The following PALM2AKAP2 variants were observed in gnomAD, a reference collection of about 807,000 sequenced individuals.
PALM2AKAP2 encodes PALM2-AKAP2 fusion protein.
PALM2AKAP2 carries 37 observed loss-of-function variants against 71.5 expected under a neutral mutation model. The ratio of observed to expected loss-of-function variants is 0.52; its 90% CI spans 0.40 to 0.68. The LOEUF (loss-of-function observed/expected upper bound fraction) is 0.68, where lower values mean the gene tolerates loss of function less well. Ranked by LOEUF, PALM2AKAP2 falls within the 30% of genes least tolerant of loss-of-function variation. PALM2AKAP2 has a pLI of 0.00. For missense variants in PALM2AKAP2, 1,224 were observed against 1,191.8 expected (o/e 1.03, Z -0.40); for synonymous variants, 468 against 478.8 (o/e 0.98, Z 0.29).
At chr9:110,098,006 C>A (rs1588107985) in intron 1 of PALM2AKAP2, among the ~76,000 whole-genome samples, 2 of 145,050 alleles carry the variant, frequency 1.4e-5, no homozygotes, top group Admixed American at 1.3e-4. Context: ...CCAAAAAATA[C>A]GAAAACCAGT....
At chr9:109,764,386 C>T (rs1488447377) in intron 1 of PALM2AKAP2, among the ~76,000 whole-genome samples, 6 of 152,136 alleles carry the variant, frequency 3.9e-5, no homozygotes, top group African/African-American at 1.4e-4. Flanking sequence ...TTTACACCTC[C>T]TGGCCTTTGC....
chr9:109,668,263 C>T (rs1232939104), intron 1 of PALM2AKAP2, among the ~76,000 whole-genome samples: 2 of 152,192 alleles, frequency 1.3e-5, no homozygotes, highest in African/African-American at 4.8e-5. Context: ...AATTGAGCTA[C>T]ATATCCCTCT....
chr9:109,943,937 T>C (rs1831441378), intron 6 of PALM2AKAP2: 1 of 157,222 alleles, frequency 6.4e-6, no homozygotes, highest in Non-Finnish European at 1.4e-5. Flanking sequence ...TTACTTAGTC[T>C]GTCCGATCTA....
chr9:109,752,443 TG>T (rs1828899494), intron 1 of PALM2AKAP2, among the ~76,000 whole-genome samples: 1 of 152,116 alleles, frequency 6.6e-6, no homozygotes, highest in African/African-American at 2.4e-5. Context: ...AATGCTACTT[TG>T]GGTAGGAAGG....
At chr9:109,887,476 G>A (rs1387628377) in intron 3 of PALM2AKAP2, among the ~76,000 whole-genome samples, 1 of 152,106 alleles carries the variant, frequency 6.6e-6, no homozygotes, top group Non-Finnish European at 1.5e-5. Flanking sequence ...AACTATATAT[G>A]CTATGTATAC....
intron 6 of PALM2AKAP2, among the ~76,000 whole-genome samples, chr9:109,976,123 C>T (rs1564241986): frequency 6.6e-6 from 1 of 152,184 alleles, no homozygotes; most frequent in South Asian, 2.1e-4. Flanking sequence ...GTCCTTACCA[C>T]CTCATCTTAG....
chr9:110,067,197 A>C (rs973468939), intron 1 of PALM2AKAP2, among the ~76,000 whole-genome samples: 2 of 152,172 alleles, frequency 1.3e-5, no homozygotes, highest in Admixed American at 1.3e-4. Context: ...TTGGGAGAAC[A>C]GTGCTATCAT....
At chr9:109,971,282 CCTTT>C (rs1832061478) in intron 6 of PALM2AKAP2, among the ~76,000 whole-genome samples, 1 of 100,746 alleles carries the variant, frequency 9.9e-6, no homozygotes, top group African/African-American at 3.7e-5. Context: ...ACTCTTAGTC[CCTTT>C]TTTTTTTTTT....
intron 6 of PALM2AKAP2, among the ~76,000 whole-genome samples, chr9:109,956,710 C>T (rs1436122182): frequency 6.6e-6 from 1 of 152,132 alleles, no homozygotes; most frequent in African/African-American, 2.4e-5. Flanking sequence ...CCAGCTCGCT[C>T]CTGTTAAAAG....
intron 1 of PALM2AKAP2, among the ~76,000 whole-genome samples, chr9:109,691,023 AG>A (rs1480210307): frequency 3.3e-5 from 5 of 152,168 alleles, no homozygotes; most frequent in East Asian, 1.9e-4. Context: ...AAGAAACAGA[AG>A]GGGGGAAGTT....
rs747758887 is a variant in PALM2AKAP2 at position 110,137,571 on chromosome 9, C to G, written c.1601C>G (p.Thr534Ser). The G allele has an allele frequency of 3.7e-6, 6 of 1,614,102 alleles. No individual in the cohort carries two copies. The East Asian group carries it at 1.1e-4, about 30-fold the overall frequency. Residue 534 changes from threonine to serine, a missense_variant, in exon 2 of 4, where the codon ACT becomes AGT. Coordinates refer to ENST00000374525, the Ensembl canonical transcript of PALM2AKAP2. The stretch of plus-strand genomic sequence containing the variant: ...TTTACGAGCGCCCGGGCTGTCCTCA[C>G]TGTGGTCAAGGATGATGACCATGGG...
At chr9:109,862,425 C>T (rs1481551839) in intron 1 of PALM2AKAP2, among the ~76,000 whole-genome samples, 3 of 152,124 alleles carry the variant, frequency 2.0e-5, no homozygotes, top group South Asian at 4.1e-4. Context: ...AATGTAGATG[C>T]ATTTCTTTTA....
Position 109,909,905 on chromosome 9 carries a change from C to G in PALM2AKAP2, c.258-13830C>G, listed in dbSNP as rs569610964. Among the ~76,000 whole-genome samples the G allele has an allele frequency of 2.6e-5, 4 of 152,254 alleles. No homozygotes were observed. The East Asian group carries it at 7.7e-4, about 29-fold the overall frequency. ...GCTGGGAGTGTGTCATATCCATGAG[C>G]TTTAGCAGAGAGCCCATGAGGGGTT... On this transcript the variant is annotated intron_variant, in intron 3 of 9. Transcript: ENST00000302798.
chr9:110,100,053 A>ATG (rs1321073263), intron 1 of PALM2AKAP2, among the ~76,000 whole-genome samples: 1 of 103,876 alleles, frequency 9.6e-6, no homozygotes, highest in African/African-American at 7.1e-5. Context: ...ATGTGTGTCT[A>ATG]TATATATATA....
At chr9:109,700,969 G>A (rs535261193) in intron 1 of PALM2AKAP2, among the ~76,000 whole-genome samples, 5 of 152,046 alleles carry the variant, frequency 3.3e-5, no homozygotes, top group Non-Finnish European at 7.4e-5. Flanking sequence ...ACAAAGTATG[G>A]GATATTGCAT....
intron 1 of PALM2AKAP2, among the ~76,000 whole-genome samples, chr9:109,763,637 C>T (rs1829096851): frequency 1.3e-5 from 2 of 152,152 alleles, no homozygotes; most frequent in Admixed American, 1.3e-4. Context: ...TCTCATAGTT[C>T]TGGGAGTGGG....
exon 2 of PALM2AKAP2, chr9:110,136,669 G>C (rs1189819346): frequency 1.2e-6 from 2 of 1,614,012 alleles, no homozygotes; most frequent in African/African-American, 2.7e-5. Context: ...ATGCGCTGGG[G>C]GACAGCCTGC....
At chr9:110,049,235 A>G (rs1459293323) in intron 1 of PALM2AKAP2, among the ~76,000 whole-genome samples, 2 of 152,046 alleles carry the variant, frequency 1.3e-5, no homozygotes, top group African/African-American at 4.8e-5. Flanking sequence ...TCGTGGCCGC[A>G]TCTCCTGCCC....
intron 1 of PALM2AKAP2, among the ~76,000 whole-genome samples, chr9:110,126,333 A>C (rs1395829297): frequency 6.6e-6 from 1 of 152,218 alleles, no homozygotes; most frequent in Admixed American, 6.5e-5. Context: ...CGTGAACCCA[A>C]GATCTGGAAC....
Sources: allele counts gnomAD v4.1 joint callset (sites outside exome capture counted in the v4.1 genomes callset), GRCh38; gene constraint gnomAD v4.1.1; transcripts MANE v1.5; gene names NCBI Gene and HGNC (gene_info 2026-07-23, HGNC 2026-07-21).